Variants in ROBO2 observed in about 807,000 individuals in gnomAD.
ROBO2 encodes the protein roundabout guidance receptor 2.
In ROBO2, 53 loss-of-function variants were observed where a neutral mutation model predicts 160.8. That is an observed-to-expected ratio of 0.33 (90% confidence interval 0.26 to 0.41). The LOEUF (loss-of-function observed/expected upper bound fraction) is 0.41. Among genes scored for constraint, ROBO2 ranks in the 10% least tolerant of loss-of-function variants. ROBO2 has a pLI of 1.00. For synonymous variants in ROBO2, 664 were observed against 611.7 expected, an observed-to-expected ratio of 1.09 and a Z score of -1.26; for missense variants, 1,577 against 1,722.4, an observed-to-expected ratio of 0.92 and a Z score of 1.49.
At chr3:76,759,520 C>T (rs1474739167) in intron 2 of ROBO2, among the ~76,000 whole-genome samples, 1 of 151,534 alleles carries the variant, frequency 6.6e-6, no homozygotes, top group Non-Finnish European at 1.5e-5. Flanking sequence ...GGCGATATGG[C>T]ACAACGTCTA....
chr3:76,330,962 C>G (rs575659989), intron 2 of ROBO2, among the ~76,000 whole-genome samples: 2 of 152,282 alleles, frequency 1.3e-5, no homozygotes, highest in South Asian at 2.1e-4. Context: ...GCTAAATGTG[C>G]TCTATCTAAA....
chr3:77,389,619 ATCT>A (rs1202454367), intron 2 of ROBO2, among the ~76,000 whole-genome samples: 3 of 151,946 alleles, frequency 2.0e-5, no homozygotes, highest in East Asian at 3.9e-4. Context: ...TATTTACTTT[ATCT>A]TCTTTCCTTT....
chr3:76,927,448 G>A (rs1334303461), intron 2 of ROBO2, among the ~76,000 whole-genome samples: 1 of 152,066 alleles, frequency 6.6e-6, no homozygotes, highest in Admixed American at 6.5e-5. Context: ...CATAGCAGTG[G>A]AAAACCTTAT....
intron 2 of ROBO2, among the ~76,000 whole-genome samples, chr3:77,162,137 T>TA (rs371063034): frequency 1.0e-4 from 15 of 147,792 alleles, no homozygotes; most frequent in East Asian, 5.9e-4. Flanking sequence ...TTCTCAGTAT[T>TA]AAAAAAAAAA....
At chr3:76,475,437 A>G (rs911066045) in intron 2 of ROBO2, among the ~76,000 whole-genome samples, 1 of 152,114 alleles carries the variant, frequency 6.6e-6, no homozygotes, top group Non-Finnish European at 1.5e-5. Context: ...TCTGAGCGAG[A>G]TGGGAAGCCA....
intron 1 of ROBO2, among the ~76,000 whole-genome samples, chr3:75,913,454 G>A (rs1946681823): frequency 6.6e-6 from 1 of 152,172 alleles, no homozygotes; most frequent in Non-Finnish European, 1.5e-5. Flanking sequence ...TGAAATTAAT[G>A]TGCTTGCTTA....
At chr3:76,997,882 C>T (rs2061111037) in intron 2 of ROBO2, among the ~76,000 whole-genome samples, 1 of 152,102 alleles carries the variant, frequency 6.6e-6, no homozygotes, top group African/African-American at 2.4e-5. Flanking sequence ...CCCAAAATGA[C>T]CTCAGAGGGA....
chr3:76,355,000 C>A (rs1465727920), intron 2 of ROBO2, among the ~76,000 whole-genome samples: 1 of 151,012 alleles, frequency 6.6e-6, no homozygotes, highest in Admixed American at 6.6e-5. Flanking sequence ...ATGCATATAT[C>A]TGGATATGTG....
At chr3:76,308,927 A>G in intron 2 of ROBO2, among the ~76,000 whole-genome samples, 1 of 152,230 alleles carries the variant, frequency 6.6e-6, no homozygotes, top group East Asian at 1.9e-4. Flanking sequence ...TCAGGAAAGA[A>G]TGATTTTCTT....
intron 2 of ROBO2, among the ~76,000 whole-genome samples, chr3:76,783,713 T>C (rs895374050): frequency 6.6e-6 from 1 of 150,900 alleles, no homozygotes; most frequent in African/African-American, 2.4e-5. Flanking sequence ...CTATGTTCAA[T>C]ATGTTGGGGT....
intron 2 of ROBO2, among the ~76,000 whole-genome samples, chr3:76,316,665 G>A (rs563885039): frequency 1.3e-5 from 2 of 152,138 alleles, no homozygotes; most frequent in African/African-American, 4.8e-5. Context: ...AGTAAAGACA[G>A]GCATAAGAAA....
In ROBO2 at chr3:76,798,251, A is replaced by AGAAG. The variant is rs1560580370; in HGVS notation, c.110-299760_110-299759insGGAA. Among the ~76,000 whole-genome samples, 12 of 126,436 alleles carry AGAAG rather than the reference A, an allele frequency of 9.5e-5. No homozygotes were observed. The East Asian group carries it at 1.6e-3, about 17-fold the overall frequency. The allele number at this position is 126,436 out of a possible 152,430, so 82.9% of individuals were successfully genotyped here. ...AGAGAAAGAAAGAAAAAAAGAAGAAAGAAAGAAGGAAAGAAAGAAAGAAAG... is the reference window on the plus strand; with the variant it reads ...AGAGAAAGAAAGAAAAAAAGAAGAAAGAAGGAAAGAAGGAAAGAAAGAAAGAAAG... On this transcript the variant is annotated intron_variant, in intron 2 of 26. Coordinates refer to the ROBO2 transcript ENST00000487694.
chr3:77,575,218 C>G (rs1296485554), intron 14 of ROBO2, among the ~76,000 whole-genome samples: 1 of 152,048 alleles, frequency 6.6e-6, no homozygotes, highest in Non-Finnish European at 1.5e-5. Context: ...TAGTGAAGTT[C>G]CCTCGTTCTC....
intron 2 of ROBO2, among the ~76,000 whole-genome samples, chr3:77,151,154 C>T (rs539466422): frequency 1.7e-4 from 26 of 152,216 alleles, no homozygotes; most frequent in Admixed American, 1.6e-3. Flanking sequence ...GTATTTTAGT[C>T]TCAACATTAA....
intron 2 of ROBO2, among the ~76,000 whole-genome samples, chr3:76,164,773 G>A (rs1386042812): frequency 6.6e-6 from 1 of 152,066 alleles, no homozygotes; most frequent in Non-Finnish European, 1.5e-5. Flanking sequence ...AGGGCCCTAG[G>A]GTCTTTGAAA....
chr3:76,229,747 T>C (rs1704507444), intron 2 of ROBO2, among the ~76,000 whole-genome samples: 1 of 152,162 alleles, frequency 6.6e-6, no homozygotes, highest in African/African-American at 2.4e-5. Context: ...AATAAAGCAG[T>C]AGAATAATAT....
At chr3:77,343,426 G>A (rs922616071) in intron 2 of ROBO2, among the ~76,000 whole-genome samples, 5 of 152,000 alleles carry the variant, frequency 3.3e-5, no homozygotes, top group Non-Finnish European at 5.9e-5. Context: ...ATGTTCTGGC[G>A]CTAATCTCTA....
At chr3:76,501,539 G>A (rs1291266587) in intron 2 of ROBO2, among the ~76,000 whole-genome samples, 1 of 152,178 alleles carries the variant, frequency 6.6e-6, no homozygotes, top group Non-Finnish European at 1.5e-5. Context: ...GGTATGTGGA[G>A]TAGTAGCAGA....
At chr3:76,834,078 C>CT (rs1341942992) in intron 2 of ROBO2, among the ~76,000 whole-genome samples, 1 of 96,124 alleles carries the variant, frequency 1.0e-5, no homozygotes, top group African/African-American at 4.1e-5. Flanking sequence ...TTCTTTCTTT[C>CT]TTTCTTTCTT....
Sources: gnomAD v4.1 joint callset for allele counts (sites outside exome capture counted in the v4.1 genomes callset) on GRCh38, gnomAD v4.1.1 for gene constraint, MANE v1.5 for transcripts, NCBI Gene and HGNC (gene_info 2026-07-23, HGNC 2026-07-21) for gene names.